The following CCDC85C variants were observed in gnomAD, a reference collection of about 807,000 sequenced individuals.
CCDC85C encodes coiled-coil domain containing 85C.
A neutral mutation model predicts 38.3 loss-of-function variants in CCDC85C; 18 were observed. The ratio of observed to expected loss-of-function variants is 0.47; its 90% CI spans 0.33 to 0.70. CCDC85C has a LOEUF of 0.70. Among genes scored for constraint, CCDC85C ranks in the 30% least tolerant of loss-of-function variants. The pLI, the probability that CCDC85C is intolerant of heterozygous loss-of-function variation, is 0.03. For synonymous variants in CCDC85C, 264 were observed against 293.8 expected (o/e 0.90, Z 1.04); for missense variants, 566 against 621.2 (o/e 0.91, Z 0.94).
intron 1 of CCDC85C, among the ~76,000 whole-genome samples, chr14:99,589,007 A>G (rs143513181): frequency 6.5e-4 from 99 of 152,240 alleles, no homozygotes; most frequent in African/African-American, 2.3e-3. Flanking sequence ...GAAGAAGTCC[A>G]GGAAGCAGAT....
rs775711049 is a variant in CCDC85C, at chr14:99,522,214, C to G, written c.894G>C (p.Thr298=). ...AQQAGSGEFR[T]LRKGFSPYHS... ...GGTAGGGCGAGAAGCCTTTCCGCAG[C>G]GTGCGGAACTCTCCGGAGCCTGCCT... The change falls in exon 3 of 6, where the codon ACG becomes ACC. Residue 298 remains threonine, a synonymous_variant. Transcript: ENST00000380243. 2 of 1,549,854 alleles carry G rather than the reference C, an allele frequency of 1.3e-6. No homozygotes were observed. Among genetic ancestry groups the G allele is most frequent in the Admixed American group, 3.9e-5 (2 of 50,984 alleles).
In CCDC85C at chr14:99,533,601, A is replaced by T. The variant is rs1322755185; in HGVS notation, c.867+2414T>A. Among the ~76,000 whole-genome samples the T allele has an allele frequency of 6.6e-6, 1 of 152,224 alleles. No homozygotes were observed. Among genetic ancestry groups the T allele is most frequent in the Non-Finnish European group, 1.5e-5 (1 of 68,032 alleles). ...TCCAGGCAAGGGTCAGCAGCTCCCCAGCCATCAGGATCTGATGTCGGTGCC... is the reference window on the plus strand; with the variant it reads ...TCCAGGCAAGGGTCAGCAGCTCCCCTGCCATCAGGATCTGATGTCGGTGCC... On this transcript the variant is annotated intron_variant, in intron 2 of 5. Transcript: ENST00000380243. The surrounding 1 kb of genome is among the most constrained non-coding windows in gnomAD (Gnocchi z 4.2).
intron 1 of CCDC85C, among the ~76,000 whole-genome samples, chr14:99,592,537 C>T (rs1460096581): frequency 2.0e-5 from 3 of 152,138 alleles, no homozygotes; most frequent in Non-Finnish European, 2.9e-5. Context: ...CACACCACCC[C>T]ATTCTGGAAG....
intron 1 of CCDC85C, among the ~76,000 whole-genome samples, chr14:99,580,510 C>T (rs943280083): frequency 4.6e-5 from 7 of 150,544 alleles, no homozygotes; most frequent in African/African-American, 9.8e-5. Flanking sequence ...GAACTGGAGG[C>T]GGAGAAGACA....
chr14:99,570,298 G>A (rs1291842655), intron 1 of CCDC85C, among the ~76,000 whole-genome samples: 1 of 152,254 alleles, frequency 6.6e-6, no homozygotes, highest in Non-Finnish European at 1.5e-5. Context: ...GGGCCACTGT[G>A]AGCCAGGCCC....
Position 99,603,516 on chromosome 14 carries a change from C to T in CCDC85C, c.444G>A (p.Val148=). The change falls in exon 1 of 6, where the codon GTG becomes GTA. Residue 148 remains valine (V), a synonymous_variant. Coordinates refer to ENST00000380243, the MANE Select transcript of CCDC85C (RefSeq NM_001144995.2). The surrounding 1 kb of genome is among the most constrained non-coding windows in gnomAD (Gnocchi z 7.5). ...LRENLELKEL[V]LLLDEERAAL... is the part of the protein sequence containing the mutation. ...CCGCGCGCTCCTCGTCCAGCAGCAG[C>T]ACCAGCTCCTTGAGCTCCAGGTTCT... 4 of 1,358,292 alleles carry T rather than the reference C, an allele frequency of 2.9e-6. No individual in the cohort carries two copies. Among genetic ancestry groups the T allele is most frequent in the Non-Finnish European group, 3.8e-6 (4 of 1,062,594 alleles). 84.1% of individuals were successfully genotyped at this position (1,358,292 alleles called of 1,614,324 possible).
rs182540010 is a variant in CCDC85C, at chr14:99,514,916, G to A, written c.*330C>T. Reference sequence around the variant, plus strand: ...CAGGCAGGACAGAGGAGCCTGGACAGTTCCCAGGCTGGATCTCAGAAGCAG... The same window carrying A: ...CAGGCAGGACAGAGGAGCCTGGACAATTCCCAGGCTGGATCTCAGAAGCAG... On this transcript the variant is annotated 3_prime_UTR_variant, in exon 6 of 6. Transcript: ENST00000380243. 17 of 266,736 alleles carry A rather than the reference G, an allele frequency of 6.4e-5. 1 individual carries two copies. The highest frequency in any genetic ancestry group is 5.4e-4 in the Admixed American group (11 of 20,306). 16.5% of individuals were successfully genotyped at this position (266,736 alleles called of 1,614,324 possible).
At chr14:99,537,214 A>G (rs765204073) in intron 1 of CCDC85C, among the ~76,000 whole-genome samples, 1 of 152,156 alleles carries the variant, frequency 6.6e-6, no homozygotes, top group Non-Finnish European at 1.5e-5. Flanking sequence ...AACAGGACGC[A>G]GGGTCTTCCC....
chr14:99,575,779 G>A (rs1204176506), intron 1 of CCDC85C, among the ~76,000 whole-genome samples: 1 of 152,218 alleles, frequency 6.6e-6, no homozygotes, highest in African/African-American at 2.4e-5. Context: ...GATAAAACAA[G>A]ACAAGTAGGG....
intron 2 of CCDC85C, among the ~76,000 whole-genome samples, chr14:99,527,644 A>ATGCTGACCCT (rs1897412019): frequency 6.6e-6 from 1 of 152,136 alleles, no homozygotes; most frequent in African/African-American, 2.4e-5. Flanking sequence ...ATGGTGACTC[A>ATGCTGACCCT]TGCTGACCCT....
At chr14:99,559,203 C>A (rs1292796982) in intron 1 of CCDC85C, among the ~76,000 whole-genome samples, 1 of 117,502 alleles carries the variant, frequency 8.5e-6, no homozygotes, top group East Asian at 2.5e-4. Flanking sequence ...CGAGAGCAGC[C>A]GAATACAGGA....
chr14:99,535,027 C>T lies in CCDC85C; in HGVS notation c.867+988G>A, dbSNP rs1272914293. The T allele has an allele frequency of 8.9e-6, 3 of 335,274 alleles. No homozygotes were observed. Among genetic ancestry groups the T allele is most frequent in the Non-Finnish European group, 1.1e-5 (2 of 179,742 alleles). The allele number at this position is 335,274 out of a possible 1,614,324, so 20.8% of individuals were successfully genotyped here. On this transcript the variant is annotated intron_variant, in intron 2 of 5. Transcript: ENST00000380243. The surrounding 1 kb of genome is among the most constrained non-coding windows in gnomAD (Gnocchi z 5.5). ...CCCCACAGCCCACAAAGGGGTGAGACGTGAGGATGACCTCAGTGGGAGCTG... is the reference window on the plus strand; with the variant it reads ...CCCCACAGCCCACAAAGGGGTGAGATGTGAGGATGACCTCAGTGGGAGCTG...
rs1470098523 is a variant in CCDC85C, at chr14:99,507,776, G to C, written c.*7470C>G. On this transcript the variant is annotated 3_prime_UTR_variant, in exon 6 of 6. Coordinates refer to ENST00000380243, the MANE Select transcript of CCDC85C (RefSeq NM_001144995.2). ...CCCCTACACCTGCTTCCTATTGGCA[G>C]TGTGTCGTCTTAGTGCATTCTGAAG... 2 of 153,244 alleles carry C rather than the reference G, an allele frequency of 1.3e-5. No individual in the cohort carries two copies. Among genetic ancestry groups the C allele is most frequent in the Non-Finnish European group, 2.9e-5 (2 of 68,802 alleles). 9.5% of individuals were successfully genotyped at this position (153,244 alleles called of 1,614,324 possible).
Position 99,513,173 on chromosome 14 carries a change from G to C in CCDC85C, c.*2073C>G, listed in dbSNP as rs952635927. Reference sequence around the variant, plus strand: ...GTTTGCAGGAGATCCGCAGGTACCAGGAGCCCGTACTTATTGCTTATTTCA... The same window carrying C: ...GTTTGCAGGAGATCCGCAGGTACCACGAGCCCGTACTTATTGCTTATTTCA... On this transcript the variant is annotated 3_prime_UTR_variant, in exon 6 of 6. Transcript: ENST00000380243. 1 of 152,212 alleles carries C rather than the reference G, an allele frequency of 6.6e-6. No homozygotes were observed. Among genetic ancestry groups the C allele is most frequent in the African/African-American group, 2.4e-5 (1 of 41,442 alleles). The allele number at this position is 152,212 out of a possible 1,614,324, so 9.4% of individuals were successfully genotyped here.
intron 2 of CCDC85C, among the ~76,000 whole-genome samples, chr14:99,524,456 G>T (rs765589846): frequency 6.6e-6 from 1 of 152,184 alleles, no homozygotes; most frequent in Non-Finnish European, 1.5e-5. Context: ...TCCCTGGGAG[G>T]AGATGTGTGT....
At chr14:99,553,451 G>A (rs1328138749) in intron 1 of CCDC85C, among the ~76,000 whole-genome samples, 3 of 152,028 alleles carry the variant, frequency 2.0e-5, no homozygotes, top group African/African-American at 4.8e-5. Flanking sequence ...TGCAACCTCC[G>A]CCTCCTGGGT....
Position 99,603,107 on chromosome 14 carries a change from A to C in CCDC85C, c.793+60T>G, listed in dbSNP as rs2055222066. ...GCCAGGGACCACCTCCTCTCGCCGC[A>C]GCCTGGGAAAAGGGCTGCAGCCAGG... is the stretch of plus-strand genomic sequence containing the variant. On this transcript the variant is annotated intron_variant, in intron 1 of 5. Transcript: ENST00000380243. The surrounding 1 kb of genome is among the most constrained non-coding windows in gnomAD (Gnocchi z 7.5). The C allele has an allele frequency of 7.8e-7, 1 of 1,279,254 alleles. No individual in the cohort carries two copies. Among genetic ancestry groups the C allele is most frequent in the Admixed American group, 4.2e-5 (1 of 24,058 alleles). 79.2% of individuals were successfully genotyped at this position (1,279,254 alleles called of 1,614,324 possible).
chr14:99,518,597 G>A (rs1449288362), intron 3 of CCDC85C, among the ~76,000 whole-genome samples: 1 of 151,878 alleles, frequency 6.6e-6, no homozygotes, highest in Non-Finnish European at 1.5e-5. Flanking sequence ...CCAGACAGCA[G>A]GGGGCGCCAG....
intron 2 of CCDC85C, among the ~76,000 whole-genome samples, chr14:99,527,257 G>A (rs1462694970): frequency 6.6e-6 from 1 of 152,198 alleles, no homozygotes; most frequent in Admixed American, 6.5e-5. Flanking sequence ...TGGCTGGACA[G>A]GTGTGGTTCA....
Sources: allele counts gnomAD v4.1 joint callset (sites outside exome capture counted in the v4.1 genomes callset), GRCh38; gene constraint gnomAD v4.1.1; non-coding constraint Gnocchi (gnomAD v3.1); transcripts MANE v1.5; gene names NCBI Gene and HGNC (gene_info 2026-07-23, HGNC 2026-07-21).